Variants in ZRANB3 observed in about 807,000 individuals in gnomAD.
ZRANB3 encodes zinc finger RANBP2-type containing 3, also known as DNA annealing helicase and endonuclease ZRANB3.
A neutral mutation model predicts 133.8 loss-of-function variants in ZRANB3; 125 were observed. The observed-to-expected ratio is 0.93, with a 90% CI of 0.81 to 1.08. The LOEUF is 1.08. ZRANB3 is among the 50% of genes least tolerant of loss of function. The pLI is 0.00. For synonymous variants in ZRANB3, 387 were observed against 432.7 expected, an observed-to-expected ratio of 0.89 and a Z score of 1.31; for missense variants, 1,229 against 1,275.5, an observed-to-expected ratio of 0.96 and a Z score of 0.56.
At chr2:135,519,330 G>C (rs1382834630) in intron 1 of ZRANB3, among the ~76,000 whole-genome samples, 1 of 152,104 alleles carries the variant, frequency 6.6e-6, no homozygotes, top group African/African-American at 2.4e-5. Context: ...CAAAAAGTAT[G>C]ATCTTTTTTA....
At chr2:135,516,228 T>C (rs1044213416) in intron 1 of ZRANB3, among the ~76,000 whole-genome samples, 1 of 152,198 alleles carries the variant, frequency 6.6e-6, no homozygotes, top group Non-Finnish European at 1.5e-5. Flanking sequence ...GGGTCTTGAC[T>C]CTATCCAGTT....
chr2:135,383,934 C>T (rs1227961244), intron 3 of ZRANB3, among the ~76,000 whole-genome samples: 1 of 152,152 alleles, frequency 6.6e-6, no homozygotes, highest in African/African-American at 2.4e-5. Flanking sequence ...ATTAAAAGAA[C>T]TAGAGAAGCA....
In ZRANB3 at chr2:135,267,686, T is replaced by C. The variant is rs150250863; in HGVS notation, c.1386+1276A>G. 4.6e-3 allele frequency among the ~76,000 whole-genome samples: 705 copies of C among 152,304 alleles called. 4 individuals are homozygous for C. Among genetic ancestry groups the C allele is most frequent in the African/African-American group, 0.016 (659 of 41,570 alleles). On this transcript the variant is annotated intron_variant, in intron 11 of 20. Coordinates refer to ENST00000264159, the MANE Select transcript of ZRANB3 (RefSeq NM_032143.4). ...TACTATTCACTTTCTTCATAAAAAC[T>C]TTTATTCTAATATTTATATGCTTTG...
intron 8 of ZRANB3, among the ~76,000 whole-genome samples, chr2:135,299,419 T>C (rs1400275578): frequency 3.3e-5 from 5 of 152,300 alleles, no homozygotes; most frequent in African/African-American, 1.2e-4. Context: ...CCTCCCCTGC[T>C]CTGCCTATAG....
intron 2 of ZRANB3, among the ~76,000 whole-genome samples, chr2:135,456,765 C>T (rs1690538032): frequency 6.6e-6 from 1 of 152,114 alleles, no homozygotes; most frequent in Non-Finnish European, 1.5e-5. Context: ...GATTGGGGAA[C>T]AGTCTATTCC....
intron 6 of ZRANB3, among the ~76,000 whole-genome samples, chr2:135,341,372 A>T (rs1464840849): frequency 6.7e-6 from 1 of 149,834 alleles, no homozygotes; most frequent in Non-Finnish European, 1.5e-5. Context: ...TTCCCCAATC[A>T]ATACTCTTAT....
intron 13 of ZRANB3, 183 bp from the exon 14 acceptor site, chr2:135,228,198 A>G: frequency 2.0e-6 from 1 of 503,044 alleles, no homozygotes; most frequent in Non-Finnish European, 3.4e-6. Context: ...CAGCAGGAAC[A>G]GGACAGAGAA....
At chr2:135,241,545 A>C (rs927314197) in intron 12 of ZRANB3, among the ~76,000 whole-genome samples, 8 of 152,046 alleles carry the variant, frequency 5.3e-5, no homozygotes, top group Middle Eastern at 3.4e-3. Context: ...ATGACACTTG[A>C]TCGTCCCTTC....
intron 3 of ZRANB3, among the ~76,000 whole-genome samples, chr2:135,358,405 A>G (rs1685527731): frequency 6.6e-6 from 1 of 152,224 alleles, no homozygotes; most frequent in Non-Finnish European, 1.5e-5. Flanking sequence ...ATGTTGCTTA[A>G]GGCTTAAGGA....
chr2:135,251,899 G>A (rs1211445287), intron 12 of ZRANB3, among the ~76,000 whole-genome samples: 2 of 152,148 alleles, frequency 1.3e-5, no homozygotes, highest in Admixed American at 1.3e-4. Context: ...GCTGGGTGTG[G>A]TGGTGTGTGC....
At chr2:135,337,056 A>G (rs959854061) in intron 6 of ZRANB3, among the ~76,000 whole-genome samples, 4 of 152,208 alleles carry the variant, frequency 2.6e-5, no homozygotes, top group Non-Finnish European at 5.9e-5. Context: ...GTTTTACAAC[A>G]TGAATAAAAG....
chr2:135,462,000 G>A (rs540047477), intron 2 of ZRANB3, among the ~76,000 whole-genome samples: 4 of 152,252 alleles, frequency 2.6e-5, no homozygotes, highest in Admixed American at 1.3e-4. Flanking sequence ...TTACAGGTGC[G>A]GGATAGAGTT....
At chr2:135,513,883 T>G (rs1329842613) in intron 1 of ZRANB3, among the ~76,000 whole-genome samples, 1 of 152,330 alleles carries the variant, frequency 6.6e-6, no homozygotes. Flanking sequence ...AAATAGGGAA[T>G]CAATAGGAAA....
intron 6 of ZRANB3, among the ~76,000 whole-genome samples, chr2:135,342,010 T>C (rs1488858768): frequency 6.7e-6 from 1 of 149,958 alleles, no homozygotes; most frequent in Non-Finnish European, 1.5e-5. Context: ...CTTGTGATAT[T>C]TTATTGCCCT....
At chr2:135,284,229 G>A (rs973570840) in intron 8 of ZRANB3, among the ~76,000 whole-genome samples, 8 of 152,184 alleles carry the variant, frequency 5.3e-5, no homozygotes, top group Admixed American at 2.6e-4. Context: ...GCATAGGGTT[G>A]TGGTGAAAAT....
chr2:135,227,295 A>G (rs1194100661), intron 14 of ZRANB3, among the ~76,000 whole-genome samples: 2 of 152,202 alleles, frequency 1.3e-5, no homozygotes, highest in Admixed American at 1.3e-4. Context: ...AACAAACCCA[A>G]AACACTGTAT....
chr2:135,492,232 GTTT>G (rs1371634985), intron 2 of ZRANB3, among the ~76,000 whole-genome samples: 4 of 152,174 alleles, frequency 2.6e-5, no homozygotes, highest in African/African-American at 9.7e-5. Flanking sequence ...ATGAAAGTGA[GTTT>G]AACACTGTTA....
At position 135,353,435 on chromosome 2, in the gene ZRANB3, A is replaced by T. The variant is rs141331074; in HGVS notation, c.359+15T>A. On this transcript the variant is annotated intron_variant, in intron 4 of 20. Transcript: ENST00000264159. Reference sequence around the variant, plus strand: ...GGAAGACTTTTCTCCTTAAATATTAAACAGTTGTTCTTACCTAACATCAGT... The same window carrying T: ...GGAAGACTTTTCTCCTTAAATATTATACAGTTGTTCTTACCTAACATCAGT... 229 of 1,539,876 alleles carry T rather than the reference A, an allele frequency of 1.5e-4. 20 individuals are homozygous for T. The African/African-American group carries it at 2.5e-3, about 17-fold the overall frequency.
At chr2:135,236,282 TAA>T (rs1440756369) in intron 12 of ZRANB3, among the ~76,000 whole-genome samples, 4 of 151,838 alleles carry the variant, frequency 2.6e-5, no homozygotes, top group Non-Finnish European at 4.4e-5. Flanking sequence ...CTCAATGAAA[TAA>T]AAGAGGATAC....
Sources: allele counts gnomAD v4.1 joint callset (sites outside exome capture counted in the v4.1 genomes callset), GRCh38; gene constraint gnomAD v4.1.1; transcripts MANE v1.5; gene names NCBI Gene and HGNC (gene_info 2026-07-23, HGNC 2026-07-21).